Variants in NDUFV1 observed in about 807,000 individuals in gnomAD.
The protein encoded by NDUFV1 is NADH:ubiquinone oxidoreductase core subunit V1, also known as NADH dehydrogenase [ubiquinone] flavoprotein 1, mitochondrial.
A neutral mutation model predicts 48.7 loss-of-function variants in NDUFV1; 41 were observed. The observed-to-expected ratio is 0.84, with a 90% CI of 0.66 to 1.09. The LOEUF is 1.09. Among genes scored for constraint, NDUFV1 ranks in the 50% least tolerant of loss-of-function variants. The probability of loss-of-function intolerance (pLI) is 0.00; values close to 1 mark genes in which losing one functional copy is unlikely to be tolerated. For synonymous variants in NDUFV1, 231 were observed against 259.1 expected (o/e 0.89, Z 1.04); for missense variants, 580 against 645.4 (o/e 0.90, Z 1.10).
intron 3 of NDUFV1, 132 bp downstream of exon 3, chr11:67,608,854 AAT>A: frequency 1.6e-6 from 2 of 1,248,774 alleles, no homozygotes; most frequent in Non-Finnish European, 2.3e-6. Context: ...CCAGGCCTTA[AAT>A]GGATGGGACT....
chr11:67,607,430 C>T (rs762410931), intron 1 of NDUFV1: 4 of 510,802 alleles, frequency 7.8e-6, no homozygotes, highest in South Asian at 6.1e-5. Context: ...TTCCCGTCCA[C>T]TGCTCTGCGC....
rs148408365 is a variant in NDUFV1 at position 67,611,554 on chromosome 11, C to G, written c.1065C>G (p.Ile355Met). 2.5e-6 allele frequency: 4 copies of G among 1,606,850 alleles called. No homozygotes were observed. The highest frequency in any genetic ancestry group is 3.4e-6 in the Non-Finnish European group (4 of 1,176,694). ...AQTGLGTAAV[I>M]VMDRSTDIVK... ...CAGGCCTGGGCACAGCTGCGGTGAT[C>G]GTCATGGACCGCTCGGTAAGGGTTC... Residue 355 changes from isoleucine to methionine, a missense_variant, in exon 7 of 10, where the codon ATC (isoleucine) becomes ATG (methionine). Transcript: ENST00000322776. This position sits in a 1 kb window ranked among gnomAD's most constrained non-coding sequence, Gnocchi z 4.2.
At chr11:67,607,764 C>A (rs992770537) in intron 1 of NDUFV1, 1 of 318,414 alleles carries the variant, frequency 3.1e-6, no homozygotes, top group South Asian at 2.5e-5. Flanking sequence ...GACCTGGGCT[C>A]AAATTGGACC....
chr11:67,610,519 GAGGGCAAGC>G lies in NDUFV1; in HGVS notation c.659_667del (p.Gln220_Lys222del), dbSNP rs768002859. On this transcript the variant is annotated inframe_deletion, in exon 5 of 10. Coordinates refer to ENST00000322776, the MANE Select transcript of NDUFV1 (RefSeq NM_007103.4). ...GGAGACAGCGCTCATCGAGTCCATT[GAGGGCAAGC>G]AGGGCAAGCCCCGCCTGAAGCCCCC... is the stretch of plus-strand genomic sequence containing the variant. 6 of 1,614,214 alleles carry G rather than the reference GAGGGCAAGC, an allele frequency of 3.7e-6. No individual in the cohort carries two copies. The highest frequency in any genetic ancestry group is 5.1e-6 in the Non-Finnish European group (6 of 1,180,036).
At chr11:67,608,513 G>A (rs1854852619) in intron 2 of NDUFV1, 35 bp downstream of exon 2, 1 of 1,614,112 alleles carries the variant, frequency 6.2e-7, no homozygotes, top group Admixed American at 1.7e-5. Context: ...GGGTCCCGGA[G>A]CAAGGTGTCC....
At position 67,612,312 on chromosome 11, in the gene NDUFV1, G is replaced by A. The variant is rs770453518; in HGVS notation, c.1308+47G>A. On this transcript the variant is annotated intron_variant, in intron 9 of 9. Coordinates refer to ENST00000322776, the MANE Select transcript of NDUFV1 (RefSeq NM_007103.4). The surrounding 1 kb of genome is among the most constrained non-coding windows in gnomAD (Gnocchi z 4.4). ...AGCACGGAGGGTGGGTGGCATCAAG[G>A]GCCCAGGGTGTTGGGGGATTTTTGG... 1.9e-6 allele frequency: 3 copies of A among 1,613,908 alleles called. No individual in the cohort carries two copies. Among genetic ancestry groups the A allele is most frequent in the Non-Finnish European group, 8.5e-7 (1 of 1,179,888 alleles).
At position 67,611,445 on chromosome 11, in the gene NDUFV1, C is replaced by T; in HGVS notation, c.956C>T (p.Pro319Leu). The T allele has an allele frequency of 1.2e-6, 2 of 1,614,174 alleles. No homozygotes were observed. The highest frequency in any genetic ancestry group is 1.7e-6 in the Non-Finnish European group (2 of 1,180,034). The change falls in exon 7 of 10, where the codon CCT becomes CTT. Residue 319 changes from proline (P) to leucine (L), a missense_variant. Coordinates refer to ENST00000322776, the MANE Select transcript of NDUFV1 (RefSeq NM_007103.4). The surrounding 1 kb of genome is among the most constrained non-coding windows in gnomAD (Gnocchi z 4.2). ...TGGGACAACCTCCTTGCTGTGATCC[C>T]TGGCGGCTCGTCTACCCCACTGATC... ...GGWDNLLAVI[P>L]GGSSTPLIPK... is the part of the protein sequence containing the mutation.
intron 4 of NDUFV1, 119 bp downstream of exon 4, chr11:67,609,754 A>G: frequency 1.7e-6 from 2 of 1,173,568 alleles, no homozygotes; most frequent in Non-Finnish European, 1.2e-6. Flanking sequence ...GAACTGGGGG[A>G]GTGGTGGCCA....
rs1416763748 is a variant in NDUFV1 at position 67,611,092 on chromosome 11, C to A, written c.798C>A (p.Gly266=). The stretch of plus-strand genomic sequence containing the variant: ...GAGGTACCTGGTTTGCTGGCTTTGG[C>A]AGAGAACGCAACTCAGGCACCAAAC... ...RRGGTWFAGF[G]RERNSGTKLF... The change falls in exon 6 of 10, where the codon GGC becomes GGA. Residue 266 remains glycine (G), a synonymous_variant. Transcript: ENST00000322776. This position sits in a 1 kb window ranked among gnomAD's most constrained non-coding sequence, Gnocchi z 4.2. 1.2e-6 allele frequency: 2 copies of A among 1,614,234 alleles called. No individual in the cohort carries two copies. The highest frequency in any genetic ancestry group is 2.2e-5 in the East Asian group (1 of 44,888).
Position 67,609,473 on chromosome 11 carries a change from C to G in NDUFV1, c.348C>G (p.Asn116Lys), listed in dbSNP as rs139824241. Residue 116 changes from asparagine to lysine, a missense_variant, in exon 4 of 10, where the codon AAC (asparagine) becomes AAG (lysine). Coordinates refer to ENST00000322776, the MANE Select transcript of NDUFV1 (RefSeq NM_007103.4). Reference protein sequence around the residue: ...SDGRPKYLVVNADEGEPGTCK... With the variant: ...SDGRPKYLVVKADEGEPGTCK... ...GCAGGCCCAAGTATCTGGTGGTGAA[C>G]GCAGACGAGGGGGAGCCGGGCACCT... is the stretch of plus-strand genomic sequence containing the variant. 2.0e-5 allele frequency: 33 copies of G among 1,613,582 alleles called. No homozygotes were observed. The highest frequency in any genetic ancestry group is 2.8e-5 in the Non-Finnish European group (33 of 1,179,980).
Position 67,612,040 on chromosome 11 carries a change from C to T in NDUFV1, c.1162+62C>T, listed in dbSNP as rs1253509266. 2.9e-5 allele frequency: 47 copies of T among 1,613,312 alleles called. No individual in the cohort carries two copies. Among genetic ancestry groups the T allele is most frequent in the South Asian group, 2.4e-4 (22 of 91,076 alleles). ...GCTTCATTTAACCTCCTCCCCACCA[C>T]GTGGCCTGCAGCCCTCAAGCGCCGC... On this transcript the variant is annotated intron_variant, in intron 8 of 9. Coordinates refer to ENST00000322776, the MANE Select transcript of NDUFV1 (RefSeq NM_007103.4). The surrounding 1 kb of genome is among the most constrained non-coding windows in gnomAD (Gnocchi z 4.4).
chr11:67,609,565 G>A lies in NDUFV1; in HGVS notation c.440G>A (p.Arg147Gln), dbSNP rs199972110. Residue 147 changes from arginine to glutamine, a missense_variant, in exon 4 of 10, where the codon CGG becomes CAG. By Grantham distance (43) the Arg-to-Gln change is conservative. Coordinates refer to ENST00000322776, the MANE Select transcript of NDUFV1 (RefSeq NM_007103.4). ...KLLEGCLVGG[R>Q]AMGARAAYIY... ...CTGGAAGGCTGCCTGGTGGGGGGCC[G>A]GGCCATGGGCGCCCGCGCTGCCTAT... 1.6e-5 allele frequency: 26 copies of A among 1,612,748 alleles called. No individual in the cohort carries two copies. The highest frequency in any genetic ancestry group is 3.3e-5 in the South Asian group (3 of 91,084).
chr11:67,607,116 C>T (rs776697328), intron 1 of NDUFV1, 40 bp downstream of exon 1: 2 of 1,578,944 alleles, frequency 1.3e-6, no homozygotes, highest in South Asian at 1.1e-5. Context: ...TGTTTGGGGC[C>T]GGGTGTCGCG....
rs750833433 is a variant in NDUFV1, at chr11:67,611,512, G to A, written c.1023G>A (p.Ala341=). 49 of 1,613,072 alleles carry A rather than the reference G, an allele frequency of 3.0e-5. No homozygotes were observed. The highest frequency in any genetic ancestry group is 4.0e-5 in the African/African-American group (3 of 74,912). ...VCETVLMDFD[A]LVQAQTGLGT... is the part of the protein sequence containing the mutation. Reference sequence around the variant, plus strand: ...AGACGGTGCTGATGGACTTCGATGCGCTGGTGCAGGCACAGACAGGCCTGG... The same window carrying A: ...AGACGGTGCTGATGGACTTCGATGCACTGGTGCAGGCACAGACAGGCCTGG... Residue 341 remains alanine, a synonymous_variant, in exon 7 of 10, where the codon GCG becomes GCA. Transcript: ENST00000322776. The surrounding 1 kb of genome is among the most constrained non-coding windows in gnomAD (Gnocchi z 4.2).
intron 1 of NDUFV1, chr11:67,607,497 G>C (rs1310044296): frequency 4.3e-6 from 2 of 465,126 alleles, no homozygotes; most frequent in Admixed American, 2.3e-5. Flanking sequence ...CCCTCAGCTG[G>C]TGCGCTCTCC....
Position 67,611,820 on chromosome 11 carries a change from A to G in NDUFV1, c.1081-77A>G, listed in dbSNP as rs1254349288. The G allele has an allele frequency of 1.3e-6, 2 of 1,554,926 alleles. No homozygotes were observed. Among genetic ancestry groups the G allele is most frequent in the East Asian group, 2.2e-5 (1 of 44,454 alleles). ...TGGGAAGAGCTTCTGGAACTGGGGG[A>G]GGGGCTGCTGCTAGGGGGCTGAGGC... is the stretch of plus-strand genomic sequence containing the variant. On this transcript the variant is annotated intron_variant, in intron 7 of 9. Coordinates refer to ENST00000322776, the MANE Select transcript of NDUFV1 (RefSeq NM_007103.4). This position sits in a 1 kb window ranked among gnomAD's most constrained non-coding sequence, Gnocchi z 4.2.
chr11:67,610,566 C>T lies in NDUFV1; in HGVS notation c.696C>T (p.Asp232=), dbSNP rs144090187. 1.4e-5 allele frequency: 23 copies of T among 1,613,910 alleles called. No individual in the cohort carries two copies. Among genetic ancestry groups the T allele is most frequent in the Middle Eastern group, 1.7e-4 (1 of 6,014 alleles). ...KPRLKPPFPA[D]VGVFGCPTTV... ...GCCTGAAGCCCCCCTTCCCCGCAGA[C>T]GTGGGTAAGGCCTGGCGTAACCCTG... Residue 232 remains aspartate (D), a synonymous_variant, in exon 5 of 10, where the codon GAC becomes GAT. Coordinates refer to ENST00000322776, the MANE Select transcript of NDUFV1 (RefSeq NM_007103.4).
At chr11:67,607,337 C>T (rs544852596) in intron 1 of NDUFV1, 20 of 666,648 alleles carry the variant, frequency 3.0e-5, no homozygotes, top group African/African-American at 2.5e-4. Context: ...TGTGAAGACC[C>T]CTAGTCTTTC....
intron 5 of NDUFV1, 109 bp downstream of exon 5, chr11:67,610,679 G>A (rs1854897039): frequency 2.1e-6 from 3 of 1,444,016 alleles, no homozygotes; most frequent in Admixed American, 2.0e-5. Context: ...CCCGGCTGGG[G>A]CCAGATAGAG....
Sources: allele counts gnomAD v4.1 joint callset, GRCh38; gene constraint gnomAD v4.1.1; non-coding constraint Gnocchi (gnomAD v3.1); transcripts MANE v1.5; gene names NCBI Gene and HGNC (gene_info 2026-07-23, HGNC 2026-07-21).